CPS1: variants seen among roughly 807,000 people sequenced by gnomAD.
CPS1 encodes carbamoyl-phosphate synthase [ammonia], mitochondrial.
CPS1 carries 109 observed loss-of-function variants against 174.6 expected under a neutral mutation model. The observed-to-expected ratio is 0.62, with a 90% CI of 0.53 to 0.73. The LOEUF is 0.73. Ranked by LOEUF, CPS1 falls within the 30% of genes least tolerant of loss-of-function variation. CPS1 has a pLI of 0.00. For synonymous variants in CPS1, 637 were observed against 632.0 expected (o/e 1.01, Z -0.12); for missense variants, 1,689 against 1,821.9 (o/e 0.93, Z 1.33).
chr2:210,658,668 G>T lies in CPS1; in HGVS notation c.3736G>T (p.Val1246Phe). 1 of 1,613,836 alleles carries T rather than the reference G, an allele frequency of 6.2e-7. No homozygotes were observed. The highest frequency in any genetic ancestry group is 8.5e-7 in the Non-Finnish European group (1 of 1,179,754). The change falls in exon 31 of 38, where the codon GTC becomes TTC. Residue 1246 changes from valine to phenylalanine, a missense_variant. Coordinates refer to ENST00000233072, the MANE Select transcript of CPS1 (RefSeq NM_001875.5). ...TGGTCCATTCAACGTCCAATTTCTT[G>T]TCAAAGGAAATGATGTCTTGGTAAG... ...ISGPFNVQFL[V>F]KGNDVLVIEC... is the part of the protein sequence containing the mutation.
At chr2:210,543,493 T>C (rs1397707425) in intron 1 of CPS1, among the ~76,000 whole-genome samples, 2 of 152,064 alleles carry the variant, frequency 1.3e-5, no homozygotes, top group Non-Finnish European at 2.9e-5. Context: ...TCCTCCCACA[T>C]GACCCATTTA....
chr2:210,650,353 C>A lies in CPS1; in HGVS notation c.3405-10C>A. The A allele has an allele frequency of 6.2e-7, 1 of 1,612,190 alleles. No individual in the cohort carries two copies. The highest frequency in any genetic ancestry group is 8.5e-7 in the Non-Finnish European group (1 of 1,178,466). ...AACCTGACCTGCTTTTTTTCCCCTT[C>A]CTTTTCCAGTGGGTCTGCTATGAAT... On this transcript the variant is annotated splice_polypyrimidine_tract_variant and intron_variant, in intron 27 of 37. Coordinates refer to ENST00000233072, the MANE Select transcript of CPS1 (RefSeq NM_001875.5).
At position 210,599,573 on chromosome 2, in the gene CPS1, T is replaced by A; in HGVS notation, c.1549+12T>A. The stretch of plus-strand genomic sequence containing the variant: ...AGCTCTGAACTGTGGTGAGTTCTTA[T>A]AAGCTTAATTGCAGAGTTTTGACAT... On this transcript the variant is annotated intron_variant, in intron 14 of 37. Coordinates refer to ENST00000233072, the MANE Select transcript of CPS1 (RefSeq NM_001875.5). The A allele has an allele frequency of 1.9e-6, 3 of 1,611,756 alleles. No individual in the cohort carries two copies. Among genetic ancestry groups the A allele is most frequent in the Non-Finnish European group, 2.5e-6 (3 of 1,178,382 alleles).
chr2:210,661,141 T>C (rs934412117), intron 32 of CPS1, among the ~76,000 whole-genome samples: 4 of 152,232 alleles, frequency 2.6e-5, no homozygotes, highest in Admixed American at 1.3e-4. Flanking sequence ...TGTTGCTGTA[T>C]ATGGTGCTGT....
At chr2:210,536,209 C>T (rs2106006534) in intron 1 of CPS1, among the ~76,000 whole-genome samples, 1 of 152,082 alleles carries the variant, frequency 6.6e-6, no homozygotes, top group East Asian at 1.9e-4. Context: ...TTAAAAACTG[C>T]ATACAAGTTT....
intron 1 of CPS1, among the ~76,000 whole-genome samples, chr2:210,486,155 CA>C (rs1694717199): frequency 1.6e-5 from 2 of 127,114 alleles, no homozygotes; most frequent in East Asian, 2.2e-4. Flanking sequence ...CACACACACA[CA>C]CACCCTGTAT....
At chr2:210,600,789 T>A in intron 15 of CPS1, 77 bp downstream of exon 15, 1 of 1,442,836 alleles carries the variant, frequency 6.9e-7, no homozygotes, top group East Asian at 2.3e-5. Flanking sequence ...TCATGCCTAA[T>A]AATAATAGTT....
At chr2:210,597,036 T>A (rs1231232822) in intron 13 of CPS1, among the ~76,000 whole-genome samples, 1 of 151,908 alleles carries the variant, frequency 6.6e-6, no homozygotes, top group African/African-American at 2.4e-5. Context: ...ACACTCATCA[T>A]GTGTATGTAT....
At chr2:210,586,010 G>T (rs1559089853) in intron 6 of CPS1, among the ~76,000 whole-genome samples, 1 of 151,694 alleles carries the variant, frequency 6.6e-6, no homozygotes, top group South Asian at 2.1e-4. Flanking sequence ...TCATAAGGAA[G>T]AGTTCCAGCG....
At chr2:210,495,652 T>A (rs920452157) in intron 1 of CPS1, among the ~76,000 whole-genome samples, 4 of 152,224 alleles carry the variant, frequency 2.6e-5, no homozygotes, top group Admixed American at 2.6e-4. Context: ...ATATTTTTCC[T>A]TTTGTGTTTC....
intron 1 of CPS1, among the ~76,000 whole-genome samples, chr2:210,547,916 G>T (rs1193835133): frequency 3.3e-5 from 5 of 151,962 alleles, no homozygotes. Context: ...GTCCCTGAAA[G>T]TCCTACAGCT....
intron 34 of CPS1, 152 bp from the exon 35 acceptor site, chr2:210,674,750 A>T: frequency 2.9e-6 from 2 of 695,616 alleles, no homozygotes; most frequent in East Asian, 2.7e-5. Flanking sequence ...CACTCACCAT[A>T]GAAGGATAAA....
chr2:210,598,559 A>G (rs1057336929), intron 13 of CPS1, among the ~76,000 whole-genome samples: 13 of 151,884 alleles, frequency 8.6e-5, no homozygotes, highest in African/African-American at 3.1e-4. Flanking sequence ...AGGGGATACA[A>G]TCCTAATTTC....
At chr2:210,677,180 T>G in intron 37 of CPS1, 44 bp downstream of exon 37, 1 of 1,594,010 alleles carries the variant, frequency 6.3e-7, no homozygotes, top group Admixed American at 1.7e-5. Context: ...GAGTTTTATT[T>G]CTGTGCCTCC....
intron 1 of CPS1, among the ~76,000 whole-genome samples, chr2:210,549,625 A>G (rs2544304): frequency 0.47 from 71,316 of 151,818 alleles, 17,527 homozygotes; most frequent in African/African-American, 0.6. Flanking sequence ...GCTTTAGATC[A>G]AATATTAAAT....
chr2:210,625,290 C>T (rs1274746671), intron 21 of CPS1, among the ~76,000 whole-genome samples: 1 of 151,966 alleles, frequency 6.6e-6, no homozygotes, highest in African/African-American at 2.4e-5. Flanking sequence ...AATCACCAGT[C>T]ATTGAATCTA....
At position 210,556,839 on chromosome 2, in the gene CPS1, A is replaced by C; in HGVS notation, c.106A>C (p.Ile36Leu). Residue 36 changes from isoleucine to leucine, a missense_variant, in exon 1 of 38, where the codon ATC (isoleucine) becomes CTC (leucine). Coordinates refer to ENST00000233072, the MANE Select transcript of CPS1 (RefSeq NM_001875.5). ...AAAATGGAAATTTTCAAGACCTGGC[A>C]TCAGGCTCCTTTCTGTCAAGGTAAT... ...HQKWKFSRPG[I>L]RLLSVKAQTA... 2 of 1,613,082 alleles carry C rather than the reference A, an allele frequency of 1.2e-6. No individual in the cohort carries two copies. Among genetic ancestry groups the C allele is most frequent in the Non-Finnish European group, 1.7e-6 (2 of 1,179,304 alleles).
At chr2:210,577,337 A>C in intron 3 of CPS1, 84 bp from the exon 4 acceptor site, 1 of 1,122,074 alleles carries the variant, frequency 8.9e-7, no homozygotes, top group Non-Finnish European at 1.4e-6. Context: ...ATATCATAAA[A>C]CTTAAAAACA....
chr2:210,590,177 C>G lies in CPS1; in HGVS notation c.783C>G (p.Ile261Met). The G allele has an allele frequency of 3.7e-6, 6 of 1,612,856 alleles. No individual in the cohort carries two copies. In the African/African-American group the frequency reaches 6.7e-5, roughly 18 times the overall value. Reference sequence around the variant, plus strand: ...AGATGGAGTATGATGGGATTTTGATCGCGGGAGGACCGGGGAACCCAGCTC... The same window carrying G: ...AGATGGAGTATGATGGGATTTTGATGGCGGGAGGACCGGGGAACCCAGCTC... ...FTKMEYDGILIAGGPGNPALA... is the reference protein window; with the variant it reads ...FTKMEYDGILMAGGPGNPALA... The change falls in exon 8 of 38, where the codon ATC (isoleucine) becomes ATG (methionine). Residue 261 changes from isoleucine (I) to methionine (M), a missense_variant. Coordinates refer to ENST00000233072, the MANE Select transcript of CPS1 (RefSeq NM_001875.5).
Sources: gnomAD v4.1 joint callset for allele counts (sites outside exome capture counted in the v4.1 genomes callset) on GRCh38, gnomAD v4.1.1 for gene constraint, MANE v1.5 for transcripts, NCBI Gene and HGNC (gene_info 2026-07-23, HGNC 2026-07-21) for gene names.